The following AKAP9 variants were observed in gnomAD, a reference collection of about 807,000 sequenced individuals.
The protein encoded by AKAP9 is A-kinase anchoring protein 9.
AKAP9 carries 311 observed loss-of-function variants against 488.5 expected under a neutral mutation model. That is an observed-to-expected ratio of 0.64 (90% CI 0.58 to 0.70). AKAP9 has a LOEUF of 0.70. Among genes scored for constraint, AKAP9 ranks in the 30% least tolerant of loss-of-function variants. The pLI is 0.00. For missense variants in AKAP9, 4,215 were observed against 4,374.5 expected (o/e 0.96, Z 1.03); for synonymous variants, 1,462 against 1,483.5 (o/e 0.99, Z 0.33).
intron 8 of AKAP9, among the ~76,000 whole-genome samples, chr7:92,009,574 A>G (rs536470948): frequency 6.6e-6 from 1 of 152,334 alleles, no homozygotes; most frequent in Non-Finnish European, 1.5e-5. Flanking sequence ...TGCTTAATAA[A>G]ATAGGATTAA....
intron 3 of AKAP9, among the ~76,000 whole-genome samples, chr7:91,981,732 C>T (rs578028558): frequency 1.3e-5 from 2 of 151,834 alleles, no homozygotes; most frequent in South Asian, 4.2e-4. Context: ...CCTCAGCTTC[C>T]CAAGCTGGGA....
chr7:92,045,172 A>C lies in AKAP9; in HGVS notation c.5327A>C (p.Glu1776Ala), dbSNP rs780286158. ...AGCCTAATTTGGAGGTCAGAAGCAGAGGCATCTGTAAAGTCATGTGTCCAT... is the reference window on the plus strand; with the variant it reads ...AGCCTAATTTGGAGGTCAGAAGCAGCGGCATCTGTAAAGTCATGTGTCCAT... ...SASLIWRSEA[E>A]ASVKSCVHEE... The change falls in exon 21 of 50, where the codon GAG becomes GCG. Residue 1776 changes from glutamate (E) to alanine (A), a missense_variant. By Grantham distance (107) the Glu-to-Ala change is moderately radical. Around this residue, in one of 5 missense-constraint regions of AKAP9, gnomAD observed 2,361 missense variants for 2,430.0 expected, o/e 0.97. Coordinates refer to ENST00000356239, the MANE Select transcript of AKAP9 (RefSeq NM_005751.5). 4 of 1,613,986 alleles carry C rather than the reference A, an allele frequency of 2.5e-6. No individual in the cohort carries two copies. The South Asian group carries it at 4.4e-5, about 18-fold the overall frequency.
rs746768080 is a variant in AKAP9 at position 92,093,153 on chromosome 7, G to A, written c.9415G>A (p.Glu3139Lys). 1.2e-6 allele frequency: 2 copies of A among 1,614,146 alleles called. No homozygotes were observed. Among genetic ancestry groups the A allele is most frequent in the South Asian group, 1.1e-5 (1 of 91,084 alleles). Residue 3139 changes from glutamate to lysine, a missense_variant, in exon 39 of 50, where the codon GAG becomes AAG. Glu to Lys is a moderately conservative substitution (Grantham distance 56). Around this residue, in one of 5 missense-constraint regions of AKAP9, gnomAD observed 1,476 missense variants for 1,477.4 expected, o/e 1.00. Transcript: ENST00000356239. Reference protein sequence around the residue: ...KQSQMLEMQVELSSMKDRATE... With the variant: ...KQSQMLEMQVKLSSMKDRATE... ...GTCTCAAATGCTGGAGATGCAAGTGGAGCTCAGCAGTATGAAAGACAGAGC... is the reference window on the plus strand; with the variant it reads ...GTCTCAAATGCTGGAGATGCAAGTGAAGCTCAGCAGTATGAAAGACAGAGC...
intron 26 of AKAP9, among the ~76,000 whole-genome samples, chr7:92,069,701 A>G (rs939146654): frequency 6.6e-6 from 1 of 152,132 alleles, no homozygotes; most frequent in African/African-American, 2.4e-5. Context: ...TCCTTTGAGC[A>G]TGATGTCAGT....
chr7:92,006,350 C>T (rs1249338778), intron 8 of AKAP9, among the ~76,000 whole-genome samples: 1 of 151,888 alleles, frequency 6.6e-6, no homozygotes. Flanking sequence ...AGGGATTTGC[C>T]ATGTTGCCCA....
rs536285379 is a variant in AKAP9, at chr7:91,994,954, G to A, written c.732+178G>A. 2.0e-5 allele frequency among the ~76,000 whole-genome samples: 3 copies of A among 152,136 alleles called. No individual in the cohort carries two copies. In the South Asian group the frequency reaches 6.2e-4, roughly 32 times the overall value. On this transcript the variant is annotated intron_variant, in intron 6 of 49. Coordinates refer to ENST00000356239, the MANE Select transcript of AKAP9 (RefSeq NM_005751.5). ...GAATTTAATTCATACTTCTTAAATG[G>A]TTCTCTACTAATATTTTCTTTTCAT...
chr7:92,057,445 G>C (rs1808985506), intron 22 of AKAP9, among the ~76,000 whole-genome samples: 1 of 151,998 alleles, frequency 6.6e-6, no homozygotes, highest in South Asian at 2.1e-4. Context: ...CGTGGAACTT[G>C]GATCCTGTCT....
chr7:92,049,010 G>T (rs1807467999), intron 21 of AKAP9, among the ~76,000 whole-genome samples: 1 of 152,198 alleles, frequency 6.6e-6, no homozygotes, highest in Non-Finnish European at 1.5e-5. Flanking sequence ...TTCCATTGGA[G>T]CCATTAGAGA....
chr7:92,101,013 T>TG lies in AKAP9; in HGVS notation c.11054_11055insG (p.Leu3686ThrfsTer7). 1 of 1,614,144 alleles carries TG rather than the reference T, an allele frequency of 6.2e-7. No homozygotes were observed. The highest frequency in any genetic ancestry group is 8.5e-7 in the Non-Finnish European group (1 of 1,180,032). On this transcript the variant is annotated frameshift_variant, in exon 45 of 50. Coordinates refer to ENST00000356239, the MANE Select transcript of AKAP9 (RefSeq NM_005751.5). LOFTEE classifies it high-confidence loss of function. ...AAAGCTGAACTAAGAAATGACTCTT[T>TG]ACTTCAAACTCTGAGCCCTGATTCT...
In AKAP9 at chr7:92,042,785, G is replaced by T. The variant is rs1374164658; in HGVS notation, c.5162+14G>T. Reference sequence around the variant, plus strand: ...GTCTAATGAAAGGTATACAAAATGTGTACTTTTTCAGTGCAAAGTAAATTA... The same window carrying T: ...GTCTAATGAAAGGTATACAAAATGTTTACTTTTTCAGTGCAAAGTAAATTA... On this transcript the variant is annotated intron_variant, in intron 20 of 49. Transcript: ENST00000356239. 5.2e-6 allele frequency: 8 copies of T among 1,547,112 alleles called. No homozygotes were observed. The South Asian group carries it at 6.7e-5, about 13-fold the overall frequency.
chr7:92,061,241 T>C lies in AKAP9; in HGVS notation c.5602-19T>C, dbSNP rs754981498. The C allele has an allele frequency of 1.9e-6, 3 of 1,610,618 alleles. No individual in the cohort carries two copies. Among genetic ancestry groups the C allele is most frequent in the Non-Finnish European group, 2.5e-6 (3 of 1,177,658 alleles). ...CCACACTTTATTTTCTTTTATGTAT[T>C]GTTTCCCTCTTTGTTTAGCTTGAAC... On this transcript the variant is annotated intron_variant, in intron 22 of 49. Transcript: ENST00000356239.
At chr7:91,986,531 C>T (rs188814925) in intron 3 of AKAP9, among the ~76,000 whole-genome samples, 12 of 152,278 alleles carry the variant, frequency 7.9e-5, no homozygotes, top group Admixed American at 4.6e-4. Context: ...CTTCTTGGAA[C>T]GGATCCTCAC....
chr7:92,016,903 G>T (rs1204474727), intron 11 of AKAP9, 114 bp from the exon 12 acceptor site: 5 of 750,090 alleles, frequency 6.7e-6, no homozygotes, highest in Non-Finnish European at 1.2e-5. Flanking sequence ...AATATCTGAG[G>T]TTTACTTCTA....
At chr7:91,993,570 G>A (rs28682915) in intron 5 of AKAP9, among the ~76,000 whole-genome samples, 3,549 of 152,184 alleles carry the variant, frequency 0.023, 159 homozygotes, top group African/African-American at 0.082. Context: ...AGTCCAGCCT[G>A]GGCAACATTG....
intron 45 of AKAP9, 83 bp downstream of exon 45, chr7:92,101,139 G>C: frequency 1.4e-6 from 2 of 1,401,360 alleles, no homozygotes; most frequent in Admixed American, 2.2e-5. Flanking sequence ...TAAATAAACA[G>C]TCTAAAGAAA....
intron 1 of AKAP9, among the ~76,000 whole-genome samples, chr7:91,970,182 G>C (rs1205440107): frequency 6.6e-6 from 1 of 151,496 alleles, no homozygotes; most frequent in Admixed American, 6.6e-5. Flanking sequence ...GAAAATAATG[G>C]AAACAAAAGA....
chr7:92,096,821 T>G lies in AKAP9; in HGVS notation c.9862T>G (p.Leu3288Val), dbSNP rs761646754. ...ACAGAGAATGCTATATGATGCCCAG[T>G]TGTCAGAAGAACAAGGTCGAAACTT... ...ESQRMLYDAQ[L>V]SEEQGRNLEL... The change falls in exon 41 of 50, where the codon TTG becomes GTG. Residue 3288 changes from leucine (L) to valine (V), a missense_variant. Physicochemically the swap from Leu to Val is conservative, Grantham distance 32. This residue lies in a region of AKAP9 where 1,476 missense variants were observed against 1,477.4 expected (regional missense o/e 1.00). Transcript: ENST00000356239. 19 of 1,614,086 alleles carry G rather than the reference T, an allele frequency of 1.2e-5. No individual in the cohort carries two copies. In the African/African-American group the frequency reaches 2.3e-4, roughly 19 times the overall value.
chr7:92,065,424 A>T lies in AKAP9; in HGVS notation c.6171A>T (p.Ala2057=). 6.2e-7 allele frequency: 1 copy of T among 1,612,778 alleles called. No individual in the cohort carries two copies. Residue 2057 remains alanine, a synonymous_variant, in exon 25 of 50, where the codon GCA becomes GCT. Transcript: ENST00000356239. ...ELMDLRQQNQ[A]LEKQLEKMRK... The stretch of plus-strand genomic sequence containing the variant: ...TGGATTTAAGACAGCAAAACCAAGC[A>T]TTGGAAAAGCAGTTAGAAAAAATGA...
rs1008912458 is a variant in AKAP9 at position 92,038,415 on chromosome 7, T to C, written c.4339-4T>C. The C allele has an allele frequency of 1.2e-6, 2 of 1,603,552 alleles. No homozygotes were observed. The highest frequency in any genetic ancestry group is 1.7e-5 in the Admixed American group (1 of 59,956). The stretch of plus-strand genomic sequence containing the variant: ...TCCTTTATTGTTTGCTTTTATTTCT[T>C]TAGGTTATTGTGTCAATGAGTATAG... On this transcript the variant is annotated splice_region_variant and splice_polypyrimidine_tract_variant and intron_variant, in intron 16 of 49. Coordinates refer to ENST00000356239, the MANE Select transcript of AKAP9 (RefSeq NM_005751.5).
Sources: gnomAD v4.1 joint callset for allele counts (sites outside exome capture counted in the v4.1 genomes callset) on GRCh38, gnomAD v4.1.1 for gene constraint, gnomAD v4.1.1 regional missense constraint, MANE v1.5 for transcripts, NCBI Gene and HGNC (gene_info 2026-07-23, HGNC 2026-07-21) for gene names.